Variants in ZCCHC7 observed in about 807,000 individuals in gnomAD.
The protein encoded by ZCCHC7 is zinc finger CCHC-type containing 7, also known as zinc finger CCHC domain-containing protein 7.
Under a neutral mutation model 52.0 loss-of-function variants are expected in ZCCHC7, and 35 were observed. That is an observed-to-expected ratio of 0.67 (90% confidence interval 0.51 to 0.89). The LOEUF (loss-of-function observed/expected upper bound fraction) is 0.89, where lower values mean the gene tolerates loss of function less well. Ranked by LOEUF, ZCCHC7 falls within the 40% of genes least tolerant of loss-of-function variation. ZCCHC7 has a pLI of 0.00. For synonymous variants in ZCCHC7, 217 were observed against 221.5 expected (o/e 0.98, Z 0.18); for missense variants, 574 against 649.1 (o/e 0.88, Z 1.26).
intron 2 of ZCCHC7, among the ~76,000 whole-genome samples, chr9:37,287,308 A>T (rs1157145415): frequency 6.6e-6 from 1 of 151,836 alleles, no homozygotes; most frequent in Non-Finnish European, 1.5e-5. Flanking sequence ...AAAAATCAGG[A>T]TGAGCATTTG....
At chr9:37,345,299 C>T (rs891779586) in intron 6 of ZCCHC7, among the ~76,000 whole-genome samples, 3 of 152,178 alleles carry the variant, frequency 2.0e-5, no homozygotes, top group South Asian at 2.1e-4. Flanking sequence ...TTTGATGTCA[C>T]GTCAAATAAT....
At chr9:37,259,546 A>C (rs1460537284) in intron 2 of ZCCHC7, among the ~76,000 whole-genome samples, 1 of 152,196 alleles carries the variant, frequency 6.6e-6, no homozygotes, top group Non-Finnish European at 1.5e-5. Flanking sequence ...GCCACTGTTA[A>C]GAACATTTTA....
chr9:37,337,844 T>G (rs1275818071), intron 6 of ZCCHC7, among the ~76,000 whole-genome samples: 1 of 152,200 alleles, frequency 6.6e-6, no homozygotes, highest in Non-Finnish European at 1.5e-5. Flanking sequence ...TTTGTGTCAC[T>G]ATGTAGGTAG....
intron 2 of ZCCHC7, among the ~76,000 whole-genome samples, chr9:37,285,174 G>A (rs1460139210): frequency 6.6e-6 from 1 of 152,094 alleles, no homozygotes; most frequent in Non-Finnish European, 1.5e-5. Flanking sequence ...GTTTGAGGAA[G>A]CAGATGCCAT....
At chr9:37,182,285 C>A (rs942527410) in intron 2 of ZCCHC7, among the ~76,000 whole-genome samples, 2 of 151,840 alleles carry the variant, frequency 1.3e-5, no homozygotes, top group Non-Finnish European at 2.9e-5. Flanking sequence ...GCACATTTAT[C>A]TATTAGCATT....
intron 2 of ZCCHC7, among the ~76,000 whole-genome samples, chr9:37,127,439 A>G (rs1564129615): frequency 6.6e-6 from 1 of 152,224 alleles, no homozygotes; most frequent in Non-Finnish European, 1.5e-5. Context: ...GGTACTCCAC[A>G]GTCAGAAAGA....
chr9:37,286,852 C>T (rs1317479749), intron 2 of ZCCHC7, among the ~76,000 whole-genome samples: 1 of 10,514 alleles, frequency 9.5e-5, no homozygotes, highest in Non-Finnish European at 1.8e-4. Context: ...CTCCCTCCCC[C>T]TTCCCTCCCT....
intron 2 of ZCCHC7, among the ~76,000 whole-genome samples, chr9:37,143,165 G>A (rs922178388): frequency 4.6e-5 from 7 of 151,508 alleles, no homozygotes; most frequent in Non-Finnish European, 1.0e-4. Flanking sequence ...TGAAACTCTC[G>A]TTTTGTAGGA....
intron 2 of ZCCHC7, among the ~76,000 whole-genome samples, chr9:37,182,360 T>TC (rs1430555113): frequency 1.3e-5 from 2 of 150,088 alleles, no homozygotes; most frequent in African/African-American, 4.9e-5. Flanking sequence ...CTTTTTTTCT[T>TC]TTTTTTTTTG....
At chr9:37,296,938 A>G (rs1272639976) in intron 2 of ZCCHC7, among the ~76,000 whole-genome samples, 1 of 121,228 alleles carries the variant, frequency 8.2e-6, no homozygotes, top group Non-Finnish European at 1.8e-5. Flanking sequence ...TTTCGTAGAG[A>G]TGAGGTCTCA....
At chr9:37,163,812 G>A (rs1821250997) in intron 2 of ZCCHC7, among the ~76,000 whole-genome samples, 1 of 152,072 alleles carries the variant, frequency 6.6e-6, no homozygotes, top group Non-Finnish European at 1.5e-5. Context: ...ACAGTTTTAG[G>A]CTTAATATTT....
intron 2 of ZCCHC7, among the ~76,000 whole-genome samples, chr9:37,237,230 TGAA>T (rs1164397128): frequency 6.6e-6 from 1 of 152,232 alleles, no homozygotes; most frequent in African/African-American, 2.4e-5. Flanking sequence ...ATGCCTTGAG[TGAA>T]CATATTCCAT....
intron 2 of ZCCHC7, among the ~76,000 whole-genome samples, chr9:37,186,061 A>G (rs1010835300): frequency 2.6e-5 from 4 of 152,134 alleles, no homozygotes; most frequent in African/African-American, 7.2e-5. Context: ...CTCATTATTC[A>G]GTAAACCTGA....
chr9:37,267,566 CTTTT>C (rs983055913), intron 2 of ZCCHC7, among the ~76,000 whole-genome samples: 3 of 115,290 alleles, frequency 2.6e-5, no homozygotes, highest in Middle Eastern at 4.5e-3. Context: ...CTAATTTTTT[CTTTT>C]TTTTTTTTTT....
intron 2 of ZCCHC7, among the ~76,000 whole-genome samples, chr9:37,210,734 G>GT (rs1379739973): frequency 2.6e-5 from 4 of 151,928 alleles, no homozygotes; most frequent in East Asian, 1.9e-4. Context: ...TTCTAAACAG[G>GT]TTTTTTTTGA....
intron 2 of ZCCHC7, among the ~76,000 whole-genome samples, chr9:37,282,839 A>AGG (rs375344062): frequency 4.3e-4 from 56 of 129,786 alleles, no homozygotes; most frequent in African/African-American, 1.5e-3. Context: ...GGGGGGAGTG[A>AGG]GGGGGTAAGA....
At chr9:37,245,451 A>T (rs998789953) in intron 2 of ZCCHC7, among the ~76,000 whole-genome samples, 1 of 152,076 alleles carries the variant, frequency 6.6e-6, no homozygotes, top group Non-Finnish European at 1.5e-5. Context: ...TAGAAGCCAT[A>T]TAACAGTAAA....
In ZCCHC7 at chr9:37,354,639, T is replaced by C. The variant is rs1274126754; in HGVS notation, c.1084-71T>C. On this transcript the variant is annotated intron_variant, in intron 7 of 8. Transcript: ENST00000336755. This position sits in a 1 kb window ranked among gnomAD's most constrained non-coding sequence, Gnocchi z 4.0. Reference sequence around the variant, plus strand: ...TGGGGCTCATTTCTAATTAACATGCTCCAGAATCTTGCAAAAAGGTTTTTG... The same window carrying C: ...TGGGGCTCATTTCTAATTAACATGCCCCAGAATCTTGCAAAAAGGTTTTTG... The C allele has an allele frequency of 7.4e-6, 8 of 1,082,124 alleles. No homozygotes were observed. Among genetic ancestry groups the C allele is most frequent in the African/African-American group, 1.6e-5 (1 of 63,574 alleles). The allele number at this position is 1,082,124 out of a possible 1,614,324, so 67.0% of individuals were successfully genotyped here. A position where few individuals can be genotyped will look rare whatever the true frequency, so the allele number is the denominator to read the frequency against.
At chr9:37,205,140 A>G (rs918743172) in intron 2 of ZCCHC7, 1 of 282,530 alleles carries the variant, frequency 3.5e-6, no homozygotes, top group South Asian at 4.1e-5. Context: ...CACAGTATGC[A>G]GGTTAATTCT....
Sources: gnomAD v4.1 joint callset for allele counts (sites outside exome capture counted in the v4.1 genomes callset) on GRCh38, gnomAD v4.1.1 for gene constraint, Gnocchi (gnomAD v3.1) non-coding constraint, MANE v1.5 for transcripts, NCBI Gene and HGNC (gene_info 2026-07-23, HGNC 2026-07-21) for gene names.